Variants in GAP43 observed in about 807,000 individuals in gnomAD.
GAP43 encodes growth associated protein 43.
In GAP43, 6 loss-of-function variants were observed where a neutral mutation model predicts 18.6. That is an observed-to-expected ratio of 0.32 (90% CI 0.18 to 0.64). The LOEUF is 0.64. GAP43 is among the 30% of genes least tolerant of loss of function. GAP43 has a pLI of 0.78. For synonymous variants in GAP43, 115 were observed against 111.4 expected (o/e 1.03, Z -0.20); for missense variants, 292 against 295.5 (o/e 0.99, Z 0.09).
At chr3:115,698,353 C>G (rs1342650115) in intron 2 of GAP43, among the ~76,000 whole-genome samples, 3 of 75,312 alleles carry the variant, frequency 4.0e-5, no homozygotes. Flanking sequence ...CGGTCATGAT[C>G]AGAGTCCAAG....
chr3:115,718,140 G>A (rs1709534690), intron 2 of GAP43, among the ~76,000 whole-genome samples: 1 of 151,928 alleles, frequency 6.6e-6, no homozygotes, highest in South Asian at 2.1e-4. Flanking sequence ...CTTTATTTTG[G>A]AAGGAGAGAT....
At chr3:115,678,843 C>T (rs1708924633) in intron 2 of GAP43, among the ~76,000 whole-genome samples, 1 of 150,938 alleles carries the variant, frequency 6.6e-6, no homozygotes, top group African/African-American at 2.4e-5. Flanking sequence ...GTACTGTCCT[C>T]TTGGTTAGAT....
At chr3:115,624,155 C>G (rs1469988624) in intron 1 of GAP43, among the ~76,000 whole-genome samples, 3 of 152,066 alleles carry the variant, frequency 2.0e-5, no homozygotes, top group Non-Finnish European at 4.4e-5. Flanking sequence ...CTCTGTCATA[C>G]AATTTTCTCA....
intron 1 of GAP43, among the ~76,000 whole-genome samples, chr3:115,667,130 T>A (rs1404776030): frequency 1.3e-5 from 2 of 151,772 alleles, no homozygotes; most frequent in African/African-American, 4.8e-5. Context: ...AAAATAACAT[T>A]TTTTTTTAGT....
intron 1 of GAP43, among the ~76,000 whole-genome samples, chr3:115,647,766 A>G (rs1440081528): frequency 6.6e-6 from 1 of 151,788 alleles, no homozygotes; most frequent in Non-Finnish European, 1.5e-5. Flanking sequence ...AACAAAAAAA[A>G]AAAACGGCCT....
chr3:115,720,763 TC>T, intron 2 of GAP43, 30 bp from the exon 3 acceptor site: 2 of 1,484,156 alleles, frequency 1.3e-6, no homozygotes, highest in Non-Finnish European at 1.9e-6. Flanking sequence ...TCTCTCCTTT[TC>T]CCCCCATCCT....
chr3:115,663,852 A>G, intron 1 of GAP43: 3 of 1,552,048 alleles, frequency 1.9e-6, no homozygotes, highest in Non-Finnish European at 2.6e-6. Context: ...TTGAGGAAAA[A>G]TCTTCAGAGA....
intron 2 of GAP43, among the ~76,000 whole-genome samples, chr3:115,679,910 A>T (rs551421067): frequency 1.3e-5 from 2 of 152,136 alleles, no homozygotes; most frequent in South Asian, 4.1e-4. Context: ...TTTTATTTTC[A>T]TGGTCTCAGT....
intron 1 of GAP43, among the ~76,000 whole-genome samples, chr3:115,668,032 A>G (rs1379527536): frequency 6.6e-6 from 1 of 152,208 alleles, no homozygotes; most frequent in African/African-American, 2.4e-5. Flanking sequence ...AGTGTTCATC[A>G]GAGGGTTTGC....
chr3:115,656,453 C>A (rs1708585017), intron 1 of GAP43, among the ~76,000 whole-genome samples: 3 of 152,114 alleles, frequency 2.0e-5, no homozygotes, highest in Admixed American at 6.5e-5. Context: ...CGACCAGCAT[C>A]TCTGAAAGTT....
At chr3:115,629,587 T>C (rs1279395375) in intron 1 of GAP43, among the ~76,000 whole-genome samples, 1 of 152,180 alleles carries the variant, frequency 6.6e-6, no homozygotes, top group Non-Finnish European at 1.5e-5. Flanking sequence ...TTCTTCTACC[T>C]TCTTTTTGCC....
At chr3:115,673,205 G>T (rs967899404) in intron 1 of GAP43, among the ~76,000 whole-genome samples, 4 of 152,182 alleles carry the variant, frequency 2.6e-5, no homozygotes, top group Non-Finnish European at 5.9e-5. Context: ...GAAAATTGAA[G>T]TTGCAGATGC....
At position 115,720,952 on chromosome 3, in the gene GAP43, C is replaced by T. The variant is rs568658419; in HGVS notation, c.*70C>T. The T allele has an allele frequency of 3.9e-6, 4 of 1,030,174 alleles. No homozygotes were observed. In the African/African-American group the frequency reaches 6.3e-5, roughly 16 times the overall value. 63.8% of individuals were successfully genotyped at this position (1,030,174 alleles called of 1,614,324 possible). On this transcript the variant is annotated 3_prime_UTR_variant, in exon 3 of 3. Transcript: ENST00000305124. The stretch of plus-strand genomic sequence containing the variant: ...AGCCTGTCTCTCCCTACCCTCTTCT[C>T]AGCTCCACTCTGAAGTCCCTTCCTG...
At chr3:115,694,713 T>C (rs1559803239) in intron 2 of GAP43, among the ~76,000 whole-genome samples, 1 of 152,228 alleles carries the variant, frequency 6.6e-6, no homozygotes, top group Non-Finnish European at 1.5e-5. Context: ...TCCATAATTA[T>C]TTTTTATTTT....
intron 2 of GAP43, among the ~76,000 whole-genome samples, chr3:115,716,713 GACAAATAT>G (rs1559809020): frequency 4.2e-5 from 1 of 24,030 alleles, no homozygotes. Flanking sequence ...TTTAATCTCA[GACAAATAT>G]ATATATATAT....
rs34355376 is a variant in GAP43, at chr3:115,687,115, C to CTTT, written c.628+10516_628+10518dup. 2.2e-3 allele frequency among the ~76,000 whole-genome samples: 307 copies of CTTT among 140,226 alleles called. 2 individuals are homozygous for CTTT. The highest frequency in any genetic ancestry group is 7.9e-3 in the African/African-American group (290 of 36,834). 92.0% of individuals were successfully genotyped at this position (140,226 alleles called of 152,430 possible). A position where few individuals can be genotyped will look rare whatever the true frequency, so the allele number is the denominator to read the frequency against. On this transcript the variant is annotated intron_variant, in intron 2 of 2. Transcript: ENST00000305124. ...CTGAAGATGTCCTGAAATCCCCCCTCTTTTTTTTTTTTTGCATCTATCCCT... is the reference window on the plus strand; with the variant it reads ...CTGAAGATGTCCTGAAATCCCCCCTCTTTTTTTTTTTTTTTTGCATCTATCCCT...
At chr3:115,695,365 T>A (rs961507220) in intron 2 of GAP43, among the ~76,000 whole-genome samples, 1 of 152,204 alleles carries the variant, frequency 6.6e-6, no homozygotes, top group African/African-American at 2.4e-5. Context: ...ACATTTATTA[T>A]TAGTTTAGTC....
chr3:115,699,953 G>A (rs1709276708), intron 2 of GAP43, among the ~76,000 whole-genome samples: 1 of 152,210 alleles, frequency 6.6e-6, no homozygotes, highest in South Asian at 2.1e-4. Flanking sequence ...TTACATGCCT[G>A]TAGTATTACT....
At chr3:115,633,125 G>T (rs950231374) in intron 1 of GAP43, among the ~76,000 whole-genome samples, 1 of 152,100 alleles carries the variant, frequency 6.6e-6, no homozygotes, top group African/African-American at 2.4e-5. Context: ...TCTTTCTGGG[G>T]CCCTGCATCA....
Sources: allele counts gnomAD v4.1 joint callset (sites outside exome capture counted in the v4.1 genomes callset), GRCh38; gene constraint gnomAD v4.1.1; transcripts MANE v1.5; gene names NCBI Gene and HGNC (gene_info 2026-07-23, HGNC 2026-07-21).